The following RFTN2 variants were observed in gnomAD, a reference collection of about 807,000 sequenced individuals.
The protein encoded by RFTN2 is raftlin family member 2.
In RFTN2, 34 loss-of-function variants were observed where a neutral mutation model predicts 52.7. That is an observed-to-expected ratio of 0.64 (90% confidence interval 0.49 to 0.86). The LOEUF (loss-of-function observed/expected upper bound fraction) is 0.86, where lower values mean the gene tolerates loss of function less well. RFTN2 is among the 40% of genes least tolerant of loss of function. RFTN2 has a pLI of 0.00. For synonymous variants in RFTN2, 203 were observed against 217.7 expected (o/e 0.93, Z 0.59); for missense variants, 536 against 600.1 (o/e 0.89, Z 1.12).
chr2:197,611,306 G>T (rs543089575), intron 7 of RFTN2, among the ~76,000 whole-genome samples: 57 of 152,240 alleles, frequency 3.7e-4, no homozygotes, highest in South Asian at 1.5e-3. Context: ...TAGTGGTCTA[G>T]TCAGAGATTC....
chr2:197,614,269 A>C (rs956628589), intron 7 of RFTN2, among the ~76,000 whole-genome samples: 2 of 152,206 alleles, frequency 1.3e-5, no homozygotes, highest in African/African-American at 4.8e-5. Context: ...GATTTTTAAA[A>C]TTTAAAATTC....
intron 5 of RFTN2, among the ~76,000 whole-genome samples, chr2:197,626,612 A>ATT (rs1559354723): frequency 9.1e-6 from 1 of 109,322 alleles, no homozygotes. Flanking sequence ...AAAAGGAATA[A>ATT]TCTTCTTTTT....
At chr2:197,591,495 A>T (rs181334563) in intron 8 of RFTN2, among the ~76,000 whole-genome samples, 1 of 152,200 alleles carries the variant, frequency 6.6e-6, no homozygotes, top group Non-Finnish European at 1.5e-5. Context: ...GGCTTCACCC[A>T]GTGGATACTG....
chr2:197,579,319 T>C (rs1198241934), intron 8 of RFTN2, among the ~76,000 whole-genome samples: 2 of 152,138 alleles, frequency 1.3e-5, no homozygotes. Flanking sequence ...CCCTCTCTTT[T>C]CTCTGGGCTT....
At chr2:197,636,069 A>G (rs554905906) in intron 3 of RFTN2, among the ~76,000 whole-genome samples, 1 of 150,678 alleles carries the variant, frequency 6.6e-6, no homozygotes, top group Admixed American at 6.6e-5. Flanking sequence ...GTTATTTCTG[A>G]GGGCTCTGTT....
chr2:197,572,291 A>T lies in RFTN2; in HGVS notation c.1234-11T>A. ...GCGGCTGGCTTTCTTCTGAAACACAAGACATTGGTGACCAGGAGAGTTAAA... is the reference window on the plus strand; with the variant it reads ...GCGGCTGGCTTTCTTCTGAAACACATGACATTGGTGACCAGGAGAGTTAAA... On this transcript the variant is annotated splice_polypyrimidine_tract_variant and intron_variant, in intron 8 of 8. Coordinates refer to ENST00000295049, the MANE Select transcript of RFTN2 (RefSeq NM_144629.3). 6.2e-7 allele frequency: 1 copy of T among 1,612,482 alleles called. No individual in the cohort carries two copies. The highest frequency in any genetic ancestry group is 1.7e-4 in the Middle Eastern group (1 of 6,022).
intron 7 of RFTN2, among the ~76,000 whole-genome samples, chr2:197,605,225 G>GT (rs879719344): frequency 9.2e-4 from 134 of 145,700 alleles, no homozygotes; most frequent in Non-Finnish European, 9.3e-4. Context: ...AATTTGTTGG[G>GT]TTTTTTTTTT....
chr2:197,659,386 C>A (rs1423389395), intron 1 of RFTN2, among the ~76,000 whole-genome samples: 1 of 149,496 alleles, frequency 6.7e-6, no homozygotes, highest in Non-Finnish European at 1.5e-5. Flanking sequence ...GTAGGCCCAG[C>A]TACTTGGGAG....
intron 7 of RFTN2, among the ~76,000 whole-genome samples, chr2:197,604,139 TTG>T (rs1373803948): frequency 6.6e-6 from 1 of 152,186 alleles, no homozygotes. Context: ...TGATAATATT[TTG>T]TGTTGAGACA....
At chr2:197,584,768 C>T (rs535964628) in intron 8 of RFTN2, among the ~76,000 whole-genome samples, 32 of 152,250 alleles carry the variant, frequency 2.1e-4, no homozygotes, top group Admixed American at 3.3e-4. Context: ...TTTACATGGA[C>T]GCACTTTCTT....
intron 8 of RFTN2, among the ~76,000 whole-genome samples, chr2:197,581,744 C>T (rs1351820876): frequency 2.0e-5 from 3 of 152,204 alleles, no homozygotes; most frequent in African/African-American, 7.2e-5. Context: ...CCCTGCCGAT[C>T]ATGTCCAACT....
rs764833806 is a variant in RFTN2 at position 197,631,115 on chromosome 2, G to C, written c.824C>G (p.Ser275Ter). The change falls in exon 5 of 9, where the codon TCA becomes TGA. Residue 275 changes from serine (S) to a stop codon, truncating the protein, a stop_gained. Transcript: ENST00000295049. LOFTEE classifies it high-confidence loss of function. Reference protein sequence around the residue: ...ILSMKVTRKGSVISTLDADWL... With the variant: ...ILSMKVTRKG ...ATCAGCATCAAGTGTACTAATGACT[G>C]ATCCTTTTCTTGTTACTTTCATTGA... 8 of 1,612,962 alleles carry C rather than the reference G, an allele frequency of 5.0e-6. No individual in the cohort carries two copies. The highest frequency in any genetic ancestry group is 6.8e-6 in the Non-Finnish European group (8 of 1,179,082).
intron 5 of RFTN2, among the ~76,000 whole-genome samples, chr2:197,627,004 G>A (rs1452679412): frequency 6.6e-6 from 1 of 152,188 alleles, no homozygotes; most frequent in Non-Finnish European, 1.5e-5. Context: ...TGTATAGCAA[G>A]TACAAAATAG....
intron 7 of RFTN2, among the ~76,000 whole-genome samples, chr2:197,603,772 A>T (rs1288006929): frequency 6.6e-6 from 1 of 151,982 alleles, no homozygotes; most frequent in Non-Finnish European, 1.5e-5. Context: ...ACAAAGAAAA[A>T]CAAAATTAGC....
chr2:197,632,289 C>A (rs2088480403), intron 4 of RFTN2, among the ~76,000 whole-genome samples: 1 of 152,170 alleles, frequency 6.6e-6, no homozygotes, highest in South Asian at 2.1e-4. Flanking sequence ...TTCCCATAAT[C>A]CCCACATGTT....
At chr2:197,589,985 T>C (rs1432965700) in intron 8 of RFTN2, among the ~76,000 whole-genome samples, 1 of 152,130 alleles carries the variant, frequency 6.6e-6, no homozygotes, top group Non-Finnish European at 1.5e-5. Context: ...TGGCTCACAA[T>C]AGCCTCCATC....
chr2:197,576,360 A>G (rs1274150947), intron 8 of RFTN2, among the ~76,000 whole-genome samples: 1 of 152,142 alleles, frequency 6.6e-6, no homozygotes, highest in Non-Finnish European at 1.5e-5. Context: ...ATAACATGGC[A>G]GATATTAGAG....
intron 1 of RFTN2, among the ~76,000 whole-genome samples, chr2:197,657,225 T>TA (rs961949677): frequency 4.6e-5 from 7 of 152,044 alleles, no homozygotes; most frequent in Non-Finnish European, 1.0e-4. Flanking sequence ...TTTCCCAGTT[T>TA]AAAAAAAGTG....
At chr2:197,575,179 G>C (rs923861593) in intron 8 of RFTN2, among the ~76,000 whole-genome samples, 1 of 152,286 alleles carries the variant, frequency 6.6e-6, no homozygotes, top group African/African-American at 2.4e-5. Flanking sequence ...TGCATGTGCT[G>C]TCTTGCCTGC....
Sources: allele counts gnomAD v4.1 joint callset (sites outside exome capture counted in the v4.1 genomes callset), GRCh38; gene constraint gnomAD v4.1.1; transcripts MANE v1.5; gene names NCBI Gene and HGNC (gene_info 2026-07-23, HGNC 2026-07-21).